Variants in TRHDE observed in about 807,000 individuals in gnomAD.
TRHDE encodes thyrotropin-releasing hormone-degrading ectoenzyme.
In TRHDE, 72 loss-of-function variants were observed where a neutral mutation model predicts 125.7. The observed-to-expected ratio is 0.57, with a 90% CI of 0.47 to 0.70. TRHDE has a LOEUF of 0.70. TRHDE is among the 30% of genes least tolerant of loss of function. The pLI, the probability that TRHDE is intolerant of heterozygous loss-of-function variation, is 0.00. For missense variants in TRHDE, 1,110 were observed against 1,327.1 expected, an observed-to-expected ratio of 0.84 and a Z score of 2.54; for synonymous variants, 509 against 509.1, an observed-to-expected ratio of 1.00 and a Z score of 0.00.
intron 2 of TRHDE, among the ~76,000 whole-genome samples, chr12:72,141,252 T>C (rs1227712023): frequency 6.6e-6 from 1 of 152,204 alleles, no homozygotes; most frequent in Admixed American, 6.5e-5. Flanking sequence ...AAGCCTGATA[T>C]TCCACTACAA....
rs146020339 is a variant in TRHDE at position 72,200,404 on chromosome 12, C to T, written n.279+94652C>T. Among the ~76,000 whole-genome samples the T allele has an allele frequency of 1.6e-3, 238 of 152,274 alleles. 2 individuals are homozygous for T. Among genetic ancestry groups the T allele is most frequent in the African/African-American group, 5.4e-3 (224 of 41,548 alleles). ...CATAAGAGGGCTCCATTTAGTAAGT[C>T]ATCCAAAAGATGTGTGTTAGAATAA... On this transcript the variant is annotated intron_variant and non_coding_transcript_variant, in intron 2 of 4. Transcript: ENST00000548156.
At chr12:72,319,740 T>A (rs1485410849) in intron 2 of TRHDE, among the ~76,000 whole-genome samples, 1 of 152,200 alleles carries the variant, frequency 6.6e-6, no homozygotes, top group African/African-American at 2.4e-5. Flanking sequence ...TAAGAACCAT[T>A]GTTTATTTTT....
intron 12 of TRHDE, among the ~76,000 whole-genome samples, chr12:72,614,473 A>G (rs1409635057): frequency 6.6e-6 from 1 of 151,778 alleles, no homozygotes; most frequent in Non-Finnish European, 1.5e-5. Flanking sequence ...CACAAAGAGC[A>G]TATAAAGTCT....
chr12:72,527,440 A>G (rs1565778929), intron 6 of TRHDE, among the ~76,000 whole-genome samples: 1 of 152,144 alleles, frequency 6.6e-6, no homozygotes, highest in Non-Finnish European at 1.5e-5. Context: ...GGCATGGAGA[A>G]CGTATACAAA....
rs111942909 is a variant in TRHDE at position 72,146,936 on chromosome 12, G to A, written n.279+41184G>A. 9.2e-3 allele frequency among the ~76,000 whole-genome samples: 1,406 copies of A among 152,286 alleles called. 24 individuals are homozygous for A. The highest frequency in any genetic ancestry group is 0.031 in the African/African-American group (1,300 of 41,576). ...GATGCGGAGCCGGAAGAAGGGATGG[G>A]GTGGGAAGGCGGTTTTCCCCTGGAG... On this transcript the variant is annotated intron_variant and non_coding_transcript_variant, in intron 2 of 4. Transcript: ENST00000548156.
At chr12:72,624,309 T>C (rs934061119) in intron 15 of TRHDE, among the ~76,000 whole-genome samples, 1 of 151,990 alleles carries the variant, frequency 6.6e-6, no homozygotes. Flanking sequence ...TTGCTTTTTA[T>C]TTGTTTAACT....
In TRHDE at chr12:72,649,387, A is replaced by G. The variant is rs979465512; in HGVS notation, c.2676-2935A>G. Among the ~76,000 whole-genome samples, 17 of 152,252 alleles carry G rather than the reference A, an allele frequency of 1.1e-4. No individual in the cohort carries two copies. The East Asian group carries it at 2.9e-3, about 26-fold the overall frequency. On this transcript the variant is annotated intron_variant, in intron 15 of 18. Coordinates refer to ENST00000261180, the MANE Select transcript of TRHDE (RefSeq NM_013381.3). The stretch of plus-strand genomic sequence containing the variant: ...ATTGGACCTTTGTTTTATATACCGT[A>G]CACAAAAATCAATTCAAAATGAATT...
intron 2 of TRHDE, among the ~76,000 whole-genome samples, chr12:72,261,274 A>G (rs903984548): frequency 3.3e-5 from 5 of 152,300 alleles, no homozygotes; most frequent in African/African-American, 1.2e-4. Context: ...CAGTTAAAGC[A>G]CTAACTTTGG....
chr12:72,592,961 C>A (rs1455685963), intron 12 of TRHDE, among the ~76,000 whole-genome samples: 1 of 152,180 alleles, frequency 6.6e-6, no homozygotes, highest in Non-Finnish European at 1.5e-5. Flanking sequence ...GATCCACCAG[C>A]CTCGGCCTCC....
In TRHDE at chr12:72,593,071, G is replaced by A. The variant is rs541836031; in HGVS notation, c.2321+17529G>A. ...TGCTACAGTGATCAGCCAGAAAAGT[G>A]AGTAGAGTTGAGGAATATGCTTGCT... On this transcript the variant is annotated intron_variant, in intron 12 of 18. Coordinates refer to ENST00000261180, the MANE Select transcript of TRHDE (RefSeq NM_013381.3). Among the ~76,000 whole-genome samples, 307 of 152,298 alleles carry A rather than the reference G, an allele frequency of 2.0e-3. 2 individuals carry two copies. The highest frequency in any genetic ancestry group is 6.9e-3 in the African/African-American group (286 of 41,576).
chr12:72,326,058 A>G (rs776858597), intron 2 of TRHDE, among the ~76,000 whole-genome samples: 200 of 152,184 alleles, frequency 1.3e-3, no homozygotes, highest in Non-Finnish European at 2.0e-3. Context: ...AACAACTCCA[A>G]TATTTGGAGG....
chr12:72,506,443 A>G (rs534640566), intron 6 of TRHDE, among the ~76,000 whole-genome samples: 2 of 152,354 alleles, frequency 1.3e-5, no homozygotes, highest in South Asian at 4.1e-4. Context: ...ATGATCACTT[A>G]CTATGTACAA....
Position 72,568,673 on chromosome 12 carries a change from C to T in TRHDE, c.2131+17C>T, listed in dbSNP as rs762256478. 2 of 1,546,684 alleles carry T rather than the reference C, an allele frequency of 1.3e-6. No individual in the cohort carries two copies. Among genetic ancestry groups the T allele is most frequent in the Admixed American group, 3.4e-5 (2 of 58,912 alleles). ...ACAAATCAGGTAAACTATATATTCT[C>T]CCCTGAGGAAGTATCTGGTTTCAGA... On this transcript the variant is annotated intron_variant, in intron 10 of 18. Transcript: ENST00000261180.
rs374417290 is a variant in TRHDE, at chr12:72,475,854, C to T, written c.1584+2674C>T. On this transcript the variant is annotated intron_variant, in intron 5 of 18. Transcript: ENST00000261180. ...AAAAATGAAATAATAAACTCCATCACATTTAATTACACAGTTAATAGTGAG... is the reference window on the plus strand; with the variant it reads ...AAAAATGAAATAATAAACTCCATCATATTTAATTACACAGTTAATAGTGAG... Among the ~76,000 whole-genome samples, 5 of 152,278 alleles carry T rather than the reference C, an allele frequency of 3.3e-5. No homozygotes were observed. The East Asian group carries it at 9.6e-4, about 29-fold the overall frequency.
intron 12 of TRHDE, among the ~76,000 whole-genome samples, chr12:72,609,586 G>T (rs985719922): frequency 4.6e-5 from 7 of 152,044 alleles, no homozygotes; most frequent in Non-Finnish European, 7.4e-5. Context: ...CCAATAGGTT[G>T]TTTTTCAAAC....
chr12:72,570,866 T>G (rs1592544200), intron 10 of TRHDE, among the ~76,000 whole-genome samples: 1 of 152,158 alleles, frequency 6.6e-6, no homozygotes, highest in Admixed American at 6.5e-5. Flanking sequence ...TTGTGTAAGG[T>G]GCGACTTGGA....
chr12:72,646,708 C>T (rs1874294713), intron 15 of TRHDE, among the ~76,000 whole-genome samples: 1 of 151,878 alleles, frequency 6.6e-6, no homozygotes, highest in South Asian at 2.1e-4. Flanking sequence ...ACAAAACAGA[C>T]TTTAAGTCAA....
intron 12 of TRHDE, among the ~76,000 whole-genome samples, chr12:72,609,780 A>C (rs1036669706): frequency 6.6e-6 from 1 of 152,166 alleles, no homozygotes; most frequent in Non-Finnish European, 1.5e-5. Flanking sequence ...TATTTCTCCA[A>C]AAATCAGCCA....
chr12:72,177,271 A>G (rs1877009376), intron 2 of TRHDE, among the ~76,000 whole-genome samples: 1 of 152,236 alleles, frequency 6.6e-6, no homozygotes, highest in South Asian at 2.1e-4. Context: ...CAACAATTCT[A>G]TAATATTGTA....
Sources: allele counts gnomAD v4.1 joint callset (sites outside exome capture counted in the v4.1 genomes callset), GRCh38; gene constraint gnomAD v4.1.1; transcripts MANE v1.5; gene names NCBI Gene and HGNC (gene_info 2026-07-23, HGNC 2026-07-21).